BLTP1: variants seen among roughly 807,000 people sequenced by gnomAD.
BLTP1 encodes the protein fragile site-associated protein.
chr4:122,274,367 A>G, the BLTP1 span: 2 of 1,579,560 alleles, frequency 1.3e-6, no homozygotes, highest in Non-Finnish European at 1.7e-6. Context: ...AAGATGACTG[A>G]GACTTGTGCT....
the BLTP1 span, among the ~76,000 whole-genome samples, chr4:122,198,844 A>G: frequency 6.6e-6 from 1 of 152,180 alleles, no homozygotes; most frequent in Non-Finnish European, 1.5e-5. Context: ...AACTAGCCAT[A>G]TAATAGTGAC....
the BLTP1 span, among the ~76,000 whole-genome samples, chr4:122,240,813 T>C: frequency 6.6e-6 from 1 of 152,204 alleles, no homozygotes; most frequent in African/African-American, 2.4e-5. Flanking sequence ...ATTCTGAAAA[T>C]GCATTACAGA....
chr4:122,288,983 T>A, the BLTP1 span: 1 of 1,225,552 alleles, frequency 8.2e-7, no homozygotes, highest in Non-Finnish European at 1.1e-6. Context: ...TCAAATCATA[T>A]AGAGATAATT....
chr4:122,209,069 A>G, the BLTP1 span: 5 of 1,245,742 alleles, frequency 4.0e-6, no homozygotes, highest in Non-Finnish European at 5.1e-6. Context: ...CTTATTTCCA[A>G]GATTGTTGTA....
chr4:122,226,981 T>A, the BLTP1 span: 1 of 646,202 alleles, frequency 1.5e-6, no homozygotes, highest in Non-Finnish European at 2.3e-6. Flanking sequence ...TTTAAATTCT[T>A]ACCCATTTTA....
the BLTP1 span, chr4:122,224,988 A>C: frequency 9.6e-7 from 1 of 1,037,614 alleles, no homozygotes; most frequent in Non-Finnish European, 1.2e-6. Context: ...ATATTATTAA[A>C]ATTATATTAC....
At chr4:122,185,512 T>TAGA in the BLTP1 span, 1 of 770,764 alleles carries the variant, frequency 1.3e-6, no homozygotes, top group Non-Finnish European at 1.6e-6. Context: ...CTACTTAATG[T>TAGA]AATTATGTCT....
chr4:122,232,877 G>A, the BLTP1 span, among the ~76,000 whole-genome samples: 1 of 152,088 alleles, frequency 6.6e-6, no homozygotes, highest in African/African-American at 2.4e-5. Flanking sequence ...GTGACGATTT[G>A]CCTCTCCCCA....
At chr4:122,250,342 G>T in the BLTP1 span, 7 of 1,570,510 alleles carry the variant, frequency 4.5e-6, no homozygotes, top group Non-Finnish European at 6.1e-6. Flanking sequence ...TATAATAAAT[G>T]CTTTTTTTTA....
chr4:122,208,214 A>G, the BLTP1 span: 9 of 706,018 alleles, frequency 1.3e-5, no homozygotes, highest in African/African-American at 1.7e-4. Flanking sequence ...TTTATGTAGT[A>G]ACTCAATTCT....
chr4:122,194,173 A>G, the BLTP1 span, among the ~76,000 whole-genome samples: 8 of 152,174 alleles, frequency 5.3e-5, no homozygotes, highest in Non-Finnish European at 1.5e-5. Context: ...CAAGTAGTAT[A>G]TTCTAAGAAG....
chr4:122,184,935 T>G, the BLTP1 span: 3 of 984,328 alleles, frequency 3.0e-6, no homozygotes, highest in Non-Finnish European at 3.6e-6. Context: ...TTCCTACAGA[T>G]GCCAAATACT....
At chr4:122,238,058 G>A in the BLTP1 span, 14 of 1,591,100 alleles carry the variant, frequency 8.8e-6, no homozygotes, top group Non-Finnish European at 1.1e-5. Flanking sequence ...GTTGAGATTT[G>A]TGTGTTCACT....
chr4:122,266,890 G>C, the BLTP1 span: 1 of 1,612,406 alleles, frequency 6.2e-7, no homozygotes, highest in Non-Finnish European at 8.5e-7. Context: ...CAGGGACTTT[G>C]GACTGCCTCA....
chr4:122,218,359 A>G, the BLTP1 span, among the ~76,000 whole-genome samples: 58 of 152,290 alleles, frequency 3.8e-4, no homozygotes, highest in Non-Finnish European at 5.6e-4. Flanking sequence ...TTCAAGTGGC[A>G]TCTGTAATTA....
At chr4:122,332,563 A>G in the BLTP1 span, among the ~76,000 whole-genome samples, 1 of 151,816 alleles carries the variant, frequency 6.6e-6, no homozygotes, top group Non-Finnish European at 1.5e-5. Context: ...GATACTGATG[A>G]ACTTTACTTT....
chr4:122,215,932 A>G, the BLTP1 span, among the ~76,000 whole-genome samples: 2 of 151,870 alleles, frequency 1.3e-5, no homozygotes, highest in Admixed American at 1.3e-4. Context: ...GTGCAAACAT[A>G]TATTTGGTTT....
At chr4:122,235,161 C>T in the BLTP1 span, 1 of 864,338 alleles carries the variant, frequency 1.2e-6, no homozygotes, top group African/African-American at 1.7e-5. Flanking sequence ...TATAATCCAC[C>T]TTTGTTTTGC....
chr4:122,339,223 T>C, the BLTP1 span: 1 of 1,613,136 alleles, frequency 6.2e-7, no homozygotes, highest in Non-Finnish European at 8.5e-7. Context: ...CAGATCAAAT[T>C]TAGCTGTTTA....
Sources: gnomAD v4.1 joint callset for allele counts (sites outside exome capture counted in the v4.1 genomes callset) on GRCh38, gnomAD v4.1.1 for gene constraint, MANE v1.5 for transcripts, NCBI Gene and HGNC (gene_info 2026-07-23, HGNC 2026-07-21) for gene names.